ANO4: variants seen among roughly 807,000 people sequenced by gnomAD.
ANO4 encodes anoctamin 4, also known as anoctamin-4.
Under a neutral mutation model 141.9 loss-of-function variants are expected in ANO4, and 69 were observed. That is an observed-to-expected ratio of 0.49 (90% CI 0.40 to 0.59). ANO4 has a LOEUF of 0.59. Ranked by LOEUF, ANO4 falls within the 20% of genes least tolerant of loss-of-function variation. The pLI, the probability that ANO4 is intolerant of heterozygous loss-of-function variation, is 0.00. For missense variants in ANO4, 894 were observed against 1,162.2 expected (o/e 0.77, Z 3.36); for synonymous variants, 350 against 394.3 (o/e 0.89, Z 1.33).
intron 2 of ANO4, among the ~76,000 whole-genome samples, chr12:100,921,181 G>A (rs979978936): frequency 6.6e-6 from 1 of 152,020 alleles, no homozygotes; most frequent in South Asian, 2.1e-4. Context: ...CTAAGTGCTT[G>A]GGTTATAGCA....
intron 1 of ANO4, among the ~76,000 whole-genome samples, chr12:100,884,221 A>G (rs1396455723): frequency 6.6e-6 from 1 of 152,280 alleles, no homozygotes; most frequent in Non-Finnish European, 1.5e-5. Flanking sequence ...TTGTTAGCAT[A>G]GAACTGTAGT....
At chr12:101,017,783 C>G (rs1484873753) in intron 8 of ANO4, among the ~76,000 whole-genome samples, 3 of 152,150 alleles carry the variant, frequency 2.0e-5, no homozygotes, top group African/African-American at 4.8e-5. Flanking sequence ...TACTACTTCC[C>G]TTATGGGTTG....
At chr12:100,902,662 C>T (rs1030287160) in intron 2 of ANO4, among the ~76,000 whole-genome samples, 1 of 152,246 alleles carries the variant, frequency 6.6e-6, no homozygotes, top group Non-Finnish European at 1.5e-5. Context: ...ACTCATGTCA[C>T]ACCACCTTCT....
chr12:100,815,703 C>G (rs1442906433), intron 1 of ANO4, among the ~76,000 whole-genome samples: 1 of 151,830 alleles, frequency 6.6e-6, no homozygotes, highest in Non-Finnish European at 1.5e-5. Flanking sequence ...ATTTTAGATA[C>G]TATTGTTAAT....
intron 1 of ANO4, among the ~76,000 whole-genome samples, chr12:100,838,229 C>CA (rs11331726): frequency 0.025 from 2,116 of 84,022 alleles, 55 homozygotes; most frequent in Non-Finnish European, 0.033. Context: ...GACTCCGTCT[C>CA]AAAAAAAAAA....
At chr12:101,100,854 G>C (rs2050160883) in intron 22 of ANO4, among the ~76,000 whole-genome samples, 1 of 152,210 alleles carries the variant, frequency 6.6e-6, no homozygotes, top group South Asian at 2.1e-4. Flanking sequence ...TAGTGGAAAA[G>C]TGTATATAAG....
rs55636242 is a variant in ANO4 at position 100,994,948 on chromosome 12, G to A, written c.734+7278G>A. ...GTGGAGATTGCGACTAGTGTCTAAC[G>A]TGTAGAGGCCAGGGATGCTGCTGAA... is the stretch of plus-strand genomic sequence containing the variant. On this transcript the variant is annotated intron_variant, in intron 8 of 27. Coordinates refer to ENST00000392977, the MANE Select transcript of ANO4 (RefSeq NM_001286615.2). 4.9e-3 allele frequency among the ~76,000 whole-genome samples: 752 copies of A among 152,236 alleles called. 5 individuals carry two copies. The highest frequency in any genetic ancestry group is 0.017 in the African/African-American group (709 of 41,550).
intron 14 of ANO4, among the ~76,000 whole-genome samples, chr12:101,063,434 A>C (rs1050125929): frequency 6.6e-6 from 1 of 152,216 alleles, no homozygotes; most frequent in Non-Finnish European, 1.5e-5. Context: ...CTTCATCATA[A>C]TATATTACCT....
chr12:100,881,186 A>G (rs2039550587), intron 1 of ANO4, among the ~76,000 whole-genome samples: 1 of 152,010 alleles, frequency 6.6e-6, no homozygotes, highest in African/African-American at 2.4e-5. Flanking sequence ...CTAATGCTAA[A>G]TGACGAGTTA....
intron 24 of ANO4, among the ~76,000 whole-genome samples, chr12:101,113,067 T>C (rs938639953): frequency 3.9e-5 from 6 of 152,166 alleles, no homozygotes; most frequent in African/African-American, 1.2e-4. Flanking sequence ...ATGTGCATTA[T>C]AATCTTCACT....
intron 14 of ANO4, chr12:101,068,805 C>G (rs2048698402): frequency 8.6e-7 from 1 of 1,166,202 alleles, no homozygotes; most frequent in African/African-American, 1.5e-5. Context: ...CCACAGTCAT[C>G]AAAAAGTATC....
At chr12:100,731,763 A>T (rs2031390442) in intron 1 of ANO4, among the ~76,000 whole-genome samples, 1 of 152,176 alleles carries the variant, frequency 6.6e-6, no homozygotes, top group African/African-American at 2.4e-5. Context: ...GCCTTTTCAG[A>T]TTCATTTCTT....
chr12:101,021,130 C>T (rs1373695757), intron 9 of ANO4, among the ~76,000 whole-genome samples: 1 of 152,190 alleles, frequency 6.6e-6, no homozygotes, highest in Non-Finnish European at 1.5e-5. Flanking sequence ...GGAAGAGGTA[C>T]AGCCATGGCA....
intron 21 of ANO4, 78 bp downstream of exon 21, chr12:101,098,023 C>A: frequency 7.6e-7 from 1 of 1,307,706 alleles, no homozygotes; most frequent in Non-Finnish European, 1.1e-6. Context: ...GTAAGATAAG[C>A]AATGCAGACT....
intron 8 of ANO4, among the ~76,000 whole-genome samples, chr12:101,010,838 T>C (rs1354317963): frequency 6.6e-6 from 1 of 152,252 alleles, no homozygotes; most frequent in African/African-American, 2.4e-5. Context: ...TATCTATTGC[T>C]ACATAACAAT....
intron 8 of ANO4, among the ~76,000 whole-genome samples, chr12:101,007,212 G>T (rs1052370664): frequency 6.6e-6 from 1 of 152,186 alleles, no homozygotes; most frequent in African/African-American, 2.4e-5. Context: ...AATTAGCTGG[G>T]TGTGATGGCA....
chr12:100,800,939 C>A (rs1031153549), intron 1 of ANO4, among the ~76,000 whole-genome samples: 1 of 152,228 alleles, frequency 6.6e-6, no homozygotes, highest in Non-Finnish European at 1.5e-5. Context: ...CTTCTCTCTT[C>A]AGACTAAACT....
intron 3 of ANO4, among the ~76,000 whole-genome samples, chr12:100,925,667 T>TCTGAACATCAGTATAATTCCTCTC (rs2041836434): frequency 1.3e-5 from 2 of 151,540 alleles, no homozygotes; most frequent in Non-Finnish European, 2.9e-5. Flanking sequence ...AATACAGAAT[T>TCTGAACATCAGTATAATTCCTCTC]CTGAACATCA....
intron 1 of ANO4, among the ~76,000 whole-genome samples, chr12:100,889,269 C>G (rs1164698999): frequency 1.3e-5 from 2 of 152,006 alleles, no homozygotes; most frequent in African/African-American, 4.8e-5. Context: ...TTTTCTTAAT[C>G]CAGTATATCA....
Sources: gnomAD v4.1 joint callset for allele counts (sites outside exome capture counted in the v4.1 genomes callset) on GRCh38, gnomAD v4.1.1 for gene constraint, MANE v1.5 for transcripts, NCBI Gene and HGNC (gene_info 2026-07-23, HGNC 2026-07-21) for gene names.